Variants in PLA2G4A observed in about 807,000 individuals in gnomAD.
The protein encoded by PLA2G4A is cytosolic phospholipase A2.
In PLA2G4A, 40 loss-of-function variants were observed where a neutral mutation model predicts 81.9. That is an observed-to-expected ratio of 0.49 (90% CI 0.38 to 0.64). The LOEUF is 0.64. Among genes scored for constraint, PLA2G4A ranks in the 30% least tolerant of loss-of-function variants. The pLI is 0.00. For missense variants in PLA2G4A, 715 were observed against 905.1 expected, an observed-to-expected ratio of 0.79 and a Z score of 2.69; for synonymous variants, 302 against 296.9, an observed-to-expected ratio of 1.02 and a Z score of -0.18.
intron 5 of PLA2G4A, among the ~76,000 whole-genome samples, chr1:186,899,273 T>C (rs2102127210): frequency 6.6e-6 from 1 of 152,004 alleles, no homozygotes; most frequent in East Asian, 1.9e-4. Context: ...GCAAGATGAG[T>C]AACAGCAAGT....
chr1:186,829,493 G>T (rs1490484412), intron 1 of PLA2G4A, among the ~76,000 whole-genome samples: 1 of 152,076 alleles, frequency 6.6e-6, no homozygotes, highest in Non-Finnish European at 1.5e-5. Flanking sequence ...GGTCATTTTT[G>T]TTACTTATGG....
At chr1:186,979,936 G>A (rs1214272174) in intron 17 of PLA2G4A, among the ~76,000 whole-genome samples, 1 of 140,000 alleles carries the variant, frequency 7.1e-6, no homozygotes, top group Admixed American at 7.5e-5. Flanking sequence ...AAACGTAACA[G>A]CATTTCCTTT....
intron 8 of PLA2G4A, among the ~76,000 whole-genome samples, chr1:186,937,449 T>TC (rs375417010): frequency 1.3e-5 from 2 of 151,600 alleles, no homozygotes; most frequent in African/African-American, 2.4e-5. Context: ...TGCATTTTTA[T>TC]AGATATTTCG....
At chr1:186,838,165 G>A (rs1241636834) in intron 1 of PLA2G4A, among the ~76,000 whole-genome samples, 1 of 152,184 alleles carries the variant, frequency 6.6e-6, no homozygotes, top group East Asian at 1.9e-4. Flanking sequence ...GAGAACCTCT[G>A]TGGGTTTTGA....
At chr1:186,916,964 A>T (rs1655158687) in intron 7 of PLA2G4A, among the ~76,000 whole-genome samples, 1 of 152,118 alleles carries the variant, frequency 6.6e-6, no homozygotes, top group South Asian at 2.1e-4. Flanking sequence ...TCTGGGTGTG[A>T]CTGGAGCAGG....
At chr1:186,968,909 AT>A (rs397768995) in intron 15 of PLA2G4A, among the ~76,000 whole-genome samples, 1 of 150,568 alleles carries the variant, frequency 6.6e-6, no homozygotes, top group African/African-American at 2.4e-5. Context: ...GTAAAAAAAA[AT>A]TTATACAATA....
intron 13 of PLA2G4A, among the ~76,000 whole-genome samples, chr1:186,952,892 A>G (rs1026168890): frequency 3.9e-5 from 6 of 152,158 alleles, no homozygotes; most frequent in Non-Finnish European, 8.8e-5. Flanking sequence ...TTATTTTTTT[A>G]GCACTGAATA....
At chr1:186,875,669 T>A (rs1270014497) in intron 3 of PLA2G4A, among the ~76,000 whole-genome samples, 2 of 152,088 alleles carry the variant, frequency 1.3e-5, no homozygotes, top group Admixed American at 1.3e-4. Context: ...GATTGTGTGA[T>A]ATTTGACTGT....
At chr1:186,871,419 T>A (rs779653189) in intron 3 of PLA2G4A, among the ~76,000 whole-genome samples, 2 of 152,184 alleles carry the variant, frequency 1.3e-5, no homozygotes, top group African/African-American at 2.4e-5. Context: ...AATATGGGAA[T>A]GGATAATTTA....
chr1:186,985,355 G>A (rs773515577), intron 17 of PLA2G4A, among the ~76,000 whole-genome samples: 15 of 151,528 alleles, frequency 9.9e-5, no homozygotes, highest in South Asian at 2.1e-4. Context: ...CTAAGCGCTC[G>A]GATAAAAAAA....
rs1657578509 is a variant in PLA2G4A at position 186,977,652 on chromosome 1, T to A, written c.1824T>A (p.Asp608Glu). The A allele has an allele frequency of 6.2e-7, 1 of 1,613,566 alleles. No homozygotes were observed. Among genetic ancestry groups the A allele is most frequent in the Admixed American group, 1.7e-5 (1 of 59,990 alleles). ...KMNKLPFPKI[D>E]PYVFDREGLK... Reference sequence around the variant, plus strand: ...ACAAGCTCCCCTTTCCAAAGATTGATCCTTATGTGTTTGATCGGGAAGGGC... The same window carrying A: ...ACAAGCTCCCCTTTCCAAAGATTGAACCTTATGTGTTTGATCGGGAAGGGC... The change falls in exon 16 of 18, where the codon GAT becomes GAA. Residue 608 changes from aspartate to glutamate, a missense_variant. Transcript: ENST00000367466.
chr1:186,935,408 A>ATTT (rs10681360), intron 8 of PLA2G4A, among the ~76,000 whole-genome samples: 88 of 147,696 alleles, frequency 6.0e-4, no homozygotes, highest in African/African-American at 2.1e-3. Flanking sequence ...AAGGGTTTTT[A>ATTT]TTTTTTTTTT....
intron 1 of PLA2G4A, among the ~76,000 whole-genome samples, chr1:186,836,305 A>C (rs1457587271): frequency 1.3e-5 from 2 of 151,074 alleles, no homozygotes; most frequent in East Asian, 3.9e-4. Flanking sequence ...CTTAATAATA[A>C]TATTGATTGT....
intron 7 of PLA2G4A, among the ~76,000 whole-genome samples, chr1:186,932,095 T>A (rs1485422983): frequency 6.6e-6 from 1 of 152,128 alleles, no homozygotes; most frequent in Non-Finnish European, 1.5e-5. Flanking sequence ...ATACTTTCCT[T>A]CTGCTCACCT....
chr1:186,985,341 T>C (rs1657859300), intron 17 of PLA2G4A, among the ~76,000 whole-genome samples: 1 of 152,108 alleles, frequency 6.6e-6, no homozygotes, highest in Non-Finnish European at 1.5e-5. Context: ...GTACCTTCCA[T>C]GTTCTAAGCG....
chr1:186,898,270 A>T (rs1353986820), intron 5 of PLA2G4A, among the ~76,000 whole-genome samples: 1 of 152,204 alleles, frequency 6.6e-6, no homozygotes, highest in African/African-American at 2.4e-5. Flanking sequence ...ATATTAAAAA[A>T]ACTGCACAAA....
intron 1 of PLA2G4A, among the ~76,000 whole-genome samples, chr1:186,849,229 A>G (rs1287580446): frequency 6.6e-6 from 1 of 152,050 alleles, no homozygotes; most frequent in Non-Finnish European, 1.5e-5. Context: ...AACCTACTAT[A>G]TTTGGGCCAT....
At chr1:186,886,301 T>G (rs1379239848) in intron 3 of PLA2G4A, among the ~76,000 whole-genome samples, 1 of 152,166 alleles carries the variant, frequency 6.6e-6, no homozygotes, top group African/African-American at 2.4e-5. Context: ...ACCACTTGAT[T>G]AATGCAAAGT....
chr1:186,898,437 T>C (rs2102125565), intron 5 of PLA2G4A, among the ~76,000 whole-genome samples: 1 of 152,326 alleles, frequency 6.6e-6, no homozygotes, highest in East Asian at 1.9e-4. Flanking sequence ...GTATTCTAGG[T>C]GATAGACAGT....
Sources: gnomAD v4.1 joint callset for allele counts (sites outside exome capture counted in the v4.1 genomes callset) on GRCh38, gnomAD v4.1.1 for gene constraint, MANE v1.5 for transcripts, NCBI Gene and HGNC (gene_info 2026-07-23, HGNC 2026-07-21) for gene names.